The following TRHDE variants were observed in gnomAD, a reference collection of about 807,000 sequenced individuals.
TRHDE encodes the protein thyrotropin-releasing hormone-degrading ectoenzyme.
A neutral mutation model predicts 125.7 loss-of-function variants in TRHDE; 72 were observed. The ratio of observed to expected loss-of-function variants is 0.57; its 90% CI spans 0.47 to 0.70. TRHDE has a LOEUF of 0.70. TRHDE is among the 30% of genes least tolerant of loss of function. TRHDE has a pLI of 0.00. For synonymous variants in TRHDE, 509 were observed against 509.1 expected (o/e 1.00, Z 0.00); for missense variants, 1,110 against 1,327.1 (o/e 0.84, Z 2.54).
chr12:72,480,246 C>A (rs1262396637), intron 5 of TRHDE, among the ~76,000 whole-genome samples: 6 of 150,524 alleles, frequency 4.0e-5, no homozygotes, highest in African/African-American at 1.5e-4. Context: ...ACACTGACTT[C>A]CACAATGGTT....
intron 2 of TRHDE, among the ~76,000 whole-genome samples, chr12:72,299,316 A>G (rs1880418553): frequency 6.6e-6 from 1 of 152,306 alleles, no homozygotes; most frequent in East Asian, 1.9e-4. Context: ...GTCCTCAATC[A>G]CTACCATCTA....
intron 3 of TRHDE, among the ~76,000 whole-genome samples, chr12:72,419,932 A>G (rs1312264820): frequency 6.6e-6 from 1 of 152,234 alleles, no homozygotes; most frequent in Non-Finnish European, 1.5e-5. Context: ...CATGAAAATA[A>G]GAATGGAAAT....
At chr12:72,656,860 A>G in intron 17 of TRHDE, 67 bp from the exon 18 acceptor site, 2 of 1,108,548 alleles carry the variant, frequency 1.8e-6, no homozygotes, top group Non-Finnish European at 2.7e-6. Context: ...ACTCTAAAAA[A>G]TCTTTATAGT....
chr12:72,641,537 T>G (rs1184167095), intron 15 of TRHDE, among the ~76,000 whole-genome samples: 1 of 152,200 alleles, frequency 6.6e-6, no homozygotes, highest in Non-Finnish European at 1.5e-5. Flanking sequence ...GTATTATACA[T>G]ATTATTCATT....
intron 18 of TRHDE, 69 bp from the exon 19 acceptor site, chr12:72,662,983 T>C (rs1180676066): frequency 1.4e-6 from 2 of 1,456,858 alleles, no homozygotes; most frequent in Non-Finnish European, 1.9e-6. Flanking sequence ...TAGATTCTTG[T>C]TCATGTTTGT....
intron 3 of TRHDE, among the ~76,000 whole-genome samples, chr12:72,408,784 T>A (rs1438925654): frequency 6.6e-6 from 1 of 152,132 alleles, no homozygotes; most frequent in African/African-American, 2.4e-5. Context: ...GCCAGAATAA[T>A]TGTTCTGAAG....
chr12:72,338,325 C>T lies in TRHDE; in HGVS notation c.1189-39670C>T, dbSNP rs1012873032. Among the ~76,000 whole-genome samples the T allele has an allele frequency of 1.1e-4, 16 of 152,052 alleles. No homozygotes were observed. In the South Asian group the frequency reaches 1.4e-3, roughly 14 times the overall value. On this transcript the variant is annotated intron_variant, in intron 2 of 18. Coordinates refer to ENST00000261180, the MANE Select transcript of TRHDE (RefSeq NM_013381.3). ...TTGTTATGTCACGGTTAGGGTTGAT[C>T]GTGTAAACAGAATGTGATCTTAATT...
chr12:72,507,076 C>G (rs1206863450), intron 6 of TRHDE, among the ~76,000 whole-genome samples: 1 of 152,156 alleles, frequency 6.6e-6, no homozygotes, highest in African/African-American at 2.4e-5. Flanking sequence ...TTCCTCTTTG[C>G]CTTCCACTGT....
intron 12 of TRHDE, among the ~76,000 whole-genome samples, chr12:72,595,073 T>A (rs1271090848): frequency 1.6e-5 from 2 of 124,690 alleles, no homozygotes; most frequent in Non-Finnish European, 3.1e-5. Flanking sequence ...TGAGAACACA[T>A]GGACACAAGA....
intron 2 of TRHDE, among the ~76,000 whole-genome samples, chr12:72,192,483 A>G (rs1877360223): frequency 6.6e-6 from 1 of 152,078 alleles, no homozygotes; most frequent in African/African-American, 2.4e-5. Context: ...AAGTATTTAC[A>G]AAAGTCGAAA....
chr12:72,107,270 G>T (rs1227099554), intron 2 of TRHDE, among the ~76,000 whole-genome samples: 1 of 151,960 alleles, frequency 6.6e-6, no homozygotes, highest in Non-Finnish European at 1.5e-5. Context: ...CAAATTCATT[G>T]GCAGCTTTGT....
chr12:72,263,160 T>C (rs868196152), intron 2 of TRHDE: 2 of 152,104 alleles, frequency 1.3e-5, no homozygotes, highest in African/African-American at 4.8e-5. Flanking sequence ...ATCCCAGGAA[T>C]TGTGTGCTGA....
chr12:72,132,555 T>C (rs1041695295), intron 2 of TRHDE, among the ~76,000 whole-genome samples: 6 of 152,216 alleles, frequency 3.9e-5, no homozygotes, highest in Non-Finnish European at 8.8e-5. Context: ...TCTGACCTCC[T>C]TACAATACTC....
At chr12:72,471,778 A>G (rs1876660801) in intron 4 of TRHDE, among the ~76,000 whole-genome samples, 1 of 152,208 alleles carries the variant, frequency 6.6e-6, no homozygotes, top group Admixed American at 6.5e-5. Context: ...ATCCTCTTGA[A>G]GAACAGATAC....
intron 2 of TRHDE, chr12:72,137,413 G>A (rs1317659281): frequency 6.6e-6 from 1 of 152,138 alleles, no homozygotes; most frequent in Non-Finnish European, 1.5e-5. Flanking sequence ...AGGGATCCTT[G>A]TACTACCAGA....
In TRHDE at chr12:72,452,923, G is replaced by A. The variant is rs1875651235; in HGVS notation, c.1316-16835G>A. Among the ~76,000 whole-genome samples the A allele has an allele frequency of 3.9e-5, 6 of 152,260 alleles. No homozygotes were observed. The South Asian group carries it at 1.2e-3, about 32-fold the overall frequency. On this transcript the variant is annotated intron_variant, in intron 3 of 18. Coordinates refer to ENST00000261180, the MANE Select transcript of TRHDE (RefSeq NM_013381.3). ...ATTCCTGTACAGCCTGTGAAACCATGAGGCAATTAAACATTTTCTTCATAA... is the reference window on the plus strand; with the variant it reads ...ATTCCTGTACAGCCTGTGAAACCATAAGGCAATTAAACATTTTCTTCATAA...
chr12:72,663,095 CT>C lies in TRHDE; in HGVS notation c.3113del (p.Phe1038SerfsTer26). 1 of 1,612,980 alleles carries C rather than the reference CT, an allele frequency of 6.2e-7. No individual in the cohort carries two copies. Among genetic ancestry groups the C allele is most frequent in the Non-Finnish European group, 8.5e-7 (1 of 1,179,388 alleles). ...MKNYDGVAAA[S>X]FSRAVETVEA... ...AACTATGATGGGGTAGCTGCTGCTT[CT>C]TTCTCACGAGCTGTGGAAACTGTCG... On this transcript the variant is annotated frameshift_variant, in exon 19 of 19. Transcript: ENST00000261180. LOFTEE classifies it high-confidence loss of function.
At chr12:72,394,166 C>T (rs147433553) in intron 3 of TRHDE, among the ~76,000 whole-genome samples, 1 of 152,266 alleles carries the variant, frequency 6.6e-6, no homozygotes, top group African/African-American at 2.4e-5. Flanking sequence ...TGTTAAGTCA[C>T]CAGAGTCTAA....
chr12:72,526,043 TTTGA>T (rs1274310084), intron 6 of TRHDE, among the ~76,000 whole-genome samples: 8 of 152,254 alleles, frequency 5.3e-5, no homozygotes, highest in Middle Eastern at 3.4e-3. Flanking sequence ...TTCTTAAGTG[TTTGA>T]TTGGCCTCCA....
Sources: allele counts gnomAD v4.1 joint callset (sites outside exome capture counted in the v4.1 genomes callset), GRCh38; gene constraint gnomAD v4.1.1; transcripts MANE v1.5; gene names NCBI Gene and HGNC (gene_info 2026-07-23, HGNC 2026-07-21).